The following FAM81A variants were observed in gnomAD, a reference collection of about 807,000 sequenced individuals.
FAM81A encodes family with sequence similarity 81 member A.
In FAM81A, 19 loss-of-function variants were observed where a neutral mutation model predicts 46.7. The ratio of observed to expected loss-of-function variants is 0.41; its 90% CI spans 0.28 to 0.60. The LOEUF (loss-of-function observed/expected upper bound fraction) is 0.60, where lower values mean the gene tolerates loss of function less well. Ranked by LOEUF, FAM81A falls within the 20% of genes least tolerant of loss-of-function variation. The probability of loss-of-function intolerance (pLI) is 0.34; values close to 1 mark genes in which losing one functional copy is unlikely to be tolerated. For missense variants in FAM81A, 377 were observed against 453.5 expected (o/e 0.83, Z 1.53); for synonymous variants, 183 against 152.9 (o/e 1.20, Z -1.45).
intron 1 of FAM81A, among the ~76,000 whole-genome samples, chr15:59,443,237 C>T (rs1434052115): frequency 6.6e-6 from 1 of 152,178 alleles, no homozygotes; most frequent in Non-Finnish European, 1.5e-5. Context: ...CACCCACCAT[C>T]ATGCCTGGCT....
intron 3 of FAM81A, among the ~76,000 whole-genome samples, chr15:59,468,180 G>A (rs2081639284): frequency 6.6e-6 from 1 of 152,014 alleles, no homozygotes; most frequent in African/African-American, 2.4e-5. Flanking sequence ...TTTTTTTGTT[G>A]TGTCTCTGCC....
At position 59,510,777 on chromosome 15, in the gene FAM81A, C is replaced by CAAAAA. The variant is rs71119479; in HGVS notation, c.650+1834_650+1838dup. Among the ~76,000 whole-genome samples, 160 of 25,780 alleles carry CAAAAA rather than the reference C, an allele frequency of 6.2e-3. 19 individuals are homozygous for CAAAAA. The highest frequency in any genetic ancestry group is 0.02 in the African/African-American group (126 of 6,194). The allele number at this position is 25,780 out of a possible 152,430, so 16.9% of individuals were successfully genotyped here. ...TAAGTGACAGAATGAGACCCTGTCT[C>CAAAAA]AAAAAAAAAAAAAAAAAAAAAAAAA... On this transcript the variant is annotated intron_variant, in intron 6 of 8. Transcript: ENST00000288228.
At chr15:59,401,781 T>TG (rs1484821185) in intron 1 of FAM81A, 86 of 740,992 alleles carry the variant, frequency 1.2e-4, no homozygotes, top group Non-Finnish European at 2.0e-4. Flanking sequence ...TTTTTTTTTT[T>TG]TTTTGGTGTT....
At chr15:59,419,326 A>G (rs1374683028) in intron 2 of FAM81A, among the ~76,000 whole-genome samples, 2 of 152,214 alleles carry the variant, frequency 1.3e-5, no homozygotes, top group Admixed American at 1.3e-4. Flanking sequence ...ACAATAAGAG[A>G]TATTAAATAA....
chr15:59,507,062 A>G, intron 4 of FAM81A, 151 bp from the exon 5 acceptor site: 1 of 1,000,518 alleles, frequency 1.0e-6, no homozygotes, highest in South Asian at 1.8e-5. Context: ...TAATGAGGCC[A>G]GCTCTTGGAA....
intron 6 of FAM81A, among the ~76,000 whole-genome samples, chr15:59,512,471 C>CAAAAA (rs766904849): frequency 7.3e-5 from 1 of 13,664 alleles, no homozygotes; most frequent in Non-Finnish European, 1.9e-4. Flanking sequence ...AACTCCATCT[C>CAAAAA]AAAAAAAAAA....
Position 59,452,692 on chromosome 15 carries a change from G to A in FAM81A, c.-77-5858G>A, listed in dbSNP as rs534798316. Among the ~76,000 whole-genome samples the A allele has an allele frequency of 1.2e-4, 19 of 152,274 alleles. No homozygotes were observed. In the East Asian group the frequency reaches 3.3e-3, roughly 26 times the overall value. On this transcript the variant is annotated intron_variant, in intron 1 of 8. Transcript: ENST00000288228. ...GTGATGTATATCTTTATATATTGAC[G>A]TGGAATCATGCTCATGATGTAGTGT...
chr15:59,468,658 ACC>A (rs1284725022), intron 3 of FAM81A, among the ~76,000 whole-genome samples: 1 of 151,238 alleles, frequency 6.6e-6, no homozygotes, highest in African/African-American at 2.4e-5. Context: ...AAAAAAAAAA[ACC>A]CAGCTCCTGG....
intron 8 of FAM81A, among the ~76,000 whole-genome samples, chr15:59,519,311 C>T (rs1284248609): frequency 6.6e-6 from 1 of 151,884 alleles, no homozygotes; most frequent in African/African-American, 2.4e-5. Flanking sequence ...ACCTCAGCCC[C>T]GCGGGTAGCT....
At chr15:59,431,531 C>A (rs1267368226) in intron 2 of FAM81A, among the ~76,000 whole-genome samples, 21 of 146,064 alleles carry the variant, frequency 1.4e-4, no homozygotes, top group African/African-American at 4.2e-4. Context: ...CTGCAACCAG[C>A]CTTTTTTTTT....
chr15:59,502,747 C>T (rs1351982156), intron 4 of FAM81A, among the ~76,000 whole-genome samples: 1 of 151,728 alleles, frequency 6.6e-6, no homozygotes, highest in African/African-American at 2.4e-5. Context: ...GTCTCGAATT[C>T]CTGACCCCAG....
rs1272148630 is a variant in FAM81A, at chr15:59,523,452, C to G, written c.*2074C>G. ...GCCGAGGTGGTGAGCTGTCGAGCCACAGTGCAGTTCTCTTCTCACCAAAGC... is the reference window on the plus strand; with the variant it reads ...GCCGAGGTGGTGAGCTGTCGAGCCAGAGTGCAGTTCTCTTCTCACCAAAGC... On this transcript the variant is annotated 3_prime_UTR_variant, in exon 9 of 9. Transcript: ENST00000288228. The G allele has an allele frequency of 6.6e-6, 1 of 152,262 alleles. No individual in the cohort carries two copies. Among genetic ancestry groups the G allele is most frequent in the Non-Finnish European group, 1.5e-5 (1 of 68,044 alleles). The allele number at this position is 152,262 out of a possible 1,614,324, so 9.4% of individuals were successfully genotyped here.
chr15:59,451,918 A>G (rs1457501467), intron 1 of FAM81A, among the ~76,000 whole-genome samples: 2 of 152,178 alleles, frequency 1.3e-5, no homozygotes, highest in Non-Finnish European at 2.9e-5. Flanking sequence ...ACATTCACTC[A>G]CCCAGCAAAC....
At chr15:59,400,311 G>C (rs541280407) in intron 1 of FAM81A, among the ~76,000 whole-genome samples, 5 of 151,962 alleles carry the variant, frequency 3.3e-5, no homozygotes, top group African/African-American at 1.2e-4. Context: ...AGCCACTCAC[G>C]GGTCTGATAA....
intron 2 of FAM81A, among the ~76,000 whole-genome samples, chr15:59,431,366 C>T (rs966430603): frequency 6.6e-6 from 1 of 152,110 alleles, no homozygotes; most frequent in Non-Finnish European, 1.5e-5. Context: ...TCCTGAGTAG[C>T]TGGGATTACA....
At chr15:59,438,046 T>A (rs1354384112), upstream of FAM81A, 1 of 149,558 alleles carries the variant, frequency 6.7e-6, no homozygotes, top group East Asian at 2.0e-4. Flanking sequence ...GGCAACCGCG[T>A]CCAGGCAACG....
At chr15:59,495,078 A>G (rs2082020144) in intron 4 of FAM81A, among the ~76,000 whole-genome samples, 1 of 152,162 alleles carries the variant, frequency 6.6e-6, no homozygotes, top group Non-Finnish European at 1.5e-5. Context: ...TAAAGCACAC[A>G]ATTCAGTGAT....
intron 1 of FAM81A, among the ~76,000 whole-genome samples, chr15:59,440,922 A>G (rs1450064389): frequency 1.3e-5 from 2 of 152,064 alleles, no homozygotes; most frequent in Admixed American, 1.3e-4. Context: ...AGCCTGCCAC[A>G]TTATCTAGGA....
chr15:59,427,382 A>C (rs2081199476), intron 2 of FAM81A, among the ~76,000 whole-genome samples: 1 of 152,164 alleles, frequency 6.6e-6, no homozygotes, highest in Non-Finnish European at 1.5e-5. Context: ...AAGTGCTGGG[A>C]TTACAGGCTT....
Sources: gnomAD v4.1 joint callset for allele counts (sites outside exome capture counted in the v4.1 genomes callset) on GRCh38, gnomAD v4.1.1 for gene constraint, MANE v1.5 for transcripts, NCBI Gene and HGNC (gene_info 2026-07-23, HGNC 2026-07-21) for gene names.